PHACTR1: variants seen among roughly 807,000 people sequenced by gnomAD.
PHACTR1 encodes the protein phosphatase and actin regulator 1.
In PHACTR1, 16 loss-of-function variants were observed where a neutral mutation model predicts 69.2. The observed-to-expected ratio is 0.23, with a 90% CI of 0.16 to 0.35. The LOEUF (loss-of-function observed/expected upper bound fraction) is 0.35, where lower values mean the gene tolerates loss of function less well. Among genes scored for constraint, PHACTR1 ranks in the 10% least tolerant of loss-of-function variants. The pLI is 1.00. For synonymous variants in PHACTR1, 312 were observed against 284.5 expected, an observed-to-expected ratio of 1.10 and a Z score of -0.97; for missense variants, 510 against 734.7, an observed-to-expected ratio of 0.69 and a Z score of 3.54.
chr6:13,000,635 A>AGGAAGGAAGGAG (rs1797975084), intron 4 of PHACTR1, among the ~76,000 whole-genome samples: 1 of 95,378 alleles, frequency 1.0e-5, no homozygotes, highest in African/African-American at 4.9e-5. Context: ...GAAGGAAGGA[A>AGGAAGGAAGGAG]GGAAGGGGGG....
intron 4 of PHACTR1, among the ~76,000 whole-genome samples, chr6:13,020,737 C>T (rs1446377329): frequency 3.9e-5 from 6 of 152,192 alleles, no homozygotes; most frequent in East Asian, 1.9e-4. Flanking sequence ...GTGCTGAGAA[C>T]GGTGCACAGG....
At chr6:12,925,478 A>G (rs1788174283) in intron 4 of PHACTR1, among the ~76,000 whole-genome samples, 1 of 152,344 alleles carries the variant, frequency 6.6e-6, no homozygotes, top group African/African-American at 2.4e-5. Context: ...AACTGTTCTA[A>G]GAGAATACCT....
At chr6:13,273,243 C>G (rs1340288782) in intron 11 of PHACTR1, 1 of 289,156 alleles carries the variant, frequency 3.5e-6, no homozygotes, top group African/African-American at 2.2e-5. Flanking sequence ...ACCTTTAAAC[C>G]AGAATTGGCT....
chr6:12,905,674 G>T, intron 4 of PHACTR1, among the ~76,000 whole-genome samples: 1 of 152,230 alleles, frequency 6.6e-6, no homozygotes, highest in East Asian at 1.9e-4. Context: ...ACCAGGCAGA[G>T]AAGAGAGGTC....
chr6:12,918,978 CT>C (rs1312767784), intron 4 of PHACTR1, among the ~76,000 whole-genome samples: 1 of 151,996 alleles, frequency 6.6e-6, no homozygotes, highest in African/African-American at 2.4e-5. Flanking sequence ...TTTGTAAAGA[CT>C]TTTTATTTTT....
chr6:13,282,674 G>A (rs1338077033), intron 12 of PHACTR1, among the ~76,000 whole-genome samples: 2 of 152,004 alleles, frequency 1.3e-5, no homozygotes, highest in Admixed American at 1.3e-4. Context: ...ACGCTTTTTT[G>A]CATCTAAAAC....
At chr6:13,165,610 G>A (rs937640656) in intron 6 of PHACTR1, among the ~76,000 whole-genome samples, 1 of 152,126 alleles carries the variant, frequency 6.6e-6, no homozygotes, top group African/African-American at 2.4e-5. Context: ...AAATGAAGCA[G>A]CAGGATAAGG....
At chr6:12,753,091 C>A (rs1199144469) in intron 4 of PHACTR1, among the ~76,000 whole-genome samples, 1 of 152,164 alleles carries the variant, frequency 6.6e-6, no homozygotes, top group Non-Finnish European at 1.5e-5. Flanking sequence ...GGGATTTTTC[C>A]CCTAAGGAAT....
chr6:12,957,381 GGACGGCC>G, intron 4 of PHACTR1: 1 of 985,418 alleles, frequency 1.0e-6, no homozygotes, highest in Non-Finnish European at 1.2e-6. Flanking sequence ...CAGAGATTGG[GGACGGCC>G]GAGGCAGGTC....
chr6:13,015,741 C>T (rs1279326947), intron 4 of PHACTR1, among the ~76,000 whole-genome samples: 1 of 152,136 alleles, frequency 6.6e-6, no homozygotes, highest in Non-Finnish European at 1.5e-5. Context: ...CGGTATACCC[C>T]GTCAATGGAG....
intron 10 of PHACTR1, among the ~76,000 whole-genome samples, chr6:13,249,296 C>T (rs1413063243): frequency 1.3e-5 from 2 of 151,998 alleles, no homozygotes; most frequent in Non-Finnish European, 1.5e-5. Flanking sequence ...TTTCACGTTC[C>T]TTATGAGACT....
At chr6:12,819,261 T>C (rs1185786336) in intron 4 of PHACTR1, among the ~76,000 whole-genome samples, 1 of 152,224 alleles carries the variant, frequency 6.6e-6, no homozygotes, top group Non-Finnish European at 1.5e-5. Flanking sequence ...GGGCATTATG[T>C]AATTTTGAAA....
intron 4 of PHACTR1, among the ~76,000 whole-genome samples, chr6:12,934,602 G>A (rs1313662339): frequency 4.6e-5 from 7 of 152,150 alleles, no homozygotes; most frequent in Admixed American, 3.3e-4. Context: ...TTGGGAGGCC[G>A]AGGCAGGTGG....
intron 7 of PHACTR1, among the ~76,000 whole-genome samples, chr6:13,188,982 TC>T (rs1763155002): frequency 6.6e-6 from 1 of 152,226 alleles, no homozygotes; most frequent in African/African-American, 2.4e-5. Flanking sequence ...AGCCACTGTC[TC>T]CTGCCTCTCT....
At chr6:12,811,526 A>C (rs1172194098) in intron 4 of PHACTR1, among the ~76,000 whole-genome samples, 1 of 152,174 alleles carries the variant, frequency 6.6e-6, no homozygotes, top group Admixed American at 6.5e-5. Flanking sequence ...TGTGCACTTA[A>C]GATTAGTGTA....
Position 12,784,319 on chromosome 6 carries a change from C to T in PHACTR1, c.250+34529C>T, listed in dbSNP as rs903172846. Among the ~76,000 whole-genome samples, 8 of 150,460 alleles carry T rather than the reference C, an allele frequency of 5.3e-5. No homozygotes were observed. In the Middle Eastern group the frequency reaches 0.011, roughly 199 times the overall value. ...ACAGATATACATATATATCTATACACACATATACATGATGACATATACATA... is the reference window on the plus strand; with the variant it reads ...ACAGATATACATATATATCTATACATACATATACATGATGACATATACATA... On this transcript the variant is annotated intron_variant, in intron 4 of 14. Transcript: ENST00000332995.
intron 5 of PHACTR1, among the ~76,000 whole-genome samples, chr6:13,125,775 A>C (rs746495050): frequency 1.3e-5 from 2 of 152,066 alleles, no homozygotes; most frequent in Admixed American, 6.5e-5. Context: ...CTAAAAATAC[A>C]AAAAATTAGC....
chr6:13,130,226 A>G (rs79224056), intron 5 of PHACTR1, among the ~76,000 whole-genome samples: 8,405 of 152,180 alleles, frequency 0.055, 549 homozygotes, highest in African/African-American at 0.16. Flanking sequence ...CTAATGTCAT[A>G]CCACAAGGAA....
chr6:13,228,121 G>T lies in PHACTR1; in HGVS notation c.1234+58G>T, dbSNP rs1325104692. On this transcript the variant is annotated intron_variant, in intron 9 of 14. Coordinates refer to ENST00000332995, the MANE Select transcript of PHACTR1 (RefSeq NM_030948.6). ...GGAAGCATGCTATTGTGGAAAGACA[G>T]CAGAGAGTGGACCCAGCAGCCCAGC... is the stretch of plus-strand genomic sequence containing the variant. 3.2e-6 allele frequency: 5 copies of T among 1,550,340 alleles called. No individual in the cohort carries two copies. In the African/African-American group the frequency reaches 6.8e-5, roughly 21 times the overall value.
Sources: gnomAD v4.1 joint callset for allele counts (sites outside exome capture counted in the v4.1 genomes callset) on GRCh38, gnomAD v4.1.1 for gene constraint, MANE v1.5 for transcripts, NCBI Gene and HGNC (gene_info 2026-07-23, HGNC 2026-07-21) for gene names.